The following SHC4 variants were observed in gnomAD, a reference collection of about 807,000 sequenced individuals.
SHC4 encodes the protein SHC-transforming protein 4.
In SHC4, 41 loss-of-function variants were observed where a neutral mutation model predicts 69.4. The ratio of observed to expected loss-of-function variants is 0.59; its 90% CI spans 0.46 to 0.77. SHC4 has a LOEUF of 0.77. Ranked by LOEUF, SHC4 falls within the 30% of genes least tolerant of loss-of-function variation. The pLI is 0.00. For missense variants in SHC4, 777 were observed against 783.8 expected (o/e 0.99, Z 0.10); for synonymous variants, 318 against 299.3 (o/e 1.06, Z -0.64).
intron 10 of SHC4, among the ~76,000 whole-genome samples, chr15:48,842,375 C>T (rs939620700): frequency 2.6e-5 from 4 of 152,176 alleles, no homozygotes; most frequent in Non-Finnish European, 5.9e-5. Context: ...AAAATTATCT[C>T]CTGGCCTTGA....
chr15:48,876,395 T>A (rs1015335226), intron 4 of SHC4, among the ~76,000 whole-genome samples: 2 of 152,120 alleles, frequency 1.3e-5, no homozygotes, highest in African/African-American at 4.8e-5. Context: ...CATTACTTCC[T>A]GTATTAGTCA....
At chr15:48,960,284 C>T (rs1317580917) in intron 1 of SHC4, among the ~76,000 whole-genome samples, 1 of 152,024 alleles carries the variant, frequency 6.6e-6, no homozygotes, top group African/African-American at 2.4e-5. Flanking sequence ...GGGGAGGTTG[C>T]AGGAGGTACA....
intron 1 of SHC4, among the ~76,000 whole-genome samples, chr15:48,950,238 T>C (rs1468028100): frequency 1.4e-5 from 2 of 146,682 alleles, no homozygotes; most frequent in African/African-American, 4.9e-5. Flanking sequence ...ATTTATATAT[T>C]ATTAAATTTC....
At chr15:48,859,081 T>C (rs185568403) in intron 6 of SHC4, among the ~76,000 whole-genome samples, 2 of 152,344 alleles carry the variant, frequency 1.3e-5, no homozygotes, top group Admixed American at 1.3e-4. Flanking sequence ...AAGCATGATT[T>C]TATGCTTTGC....
Position 48,884,209 on chromosome 15 carries a change from A to G in SHC4, c.840+39T>C, listed in dbSNP as rs774367420. 7.0e-6 allele frequency: 11 copies of G among 1,562,346 alleles called. No individual in the cohort carries two copies. In the African/African-American group the frequency reaches 1.2e-4, roughly 18 times the overall value. On this transcript the variant is annotated intron_variant, in intron 4 of 11. Transcript: ENST00000332408. ...ATTATCCCCACGCTTCTCTGAAAAA[A>G]TAGATATGTTTATCTATAAATGACA...
intron 1 of SHC4, chr15:48,947,346 G>A (rs1394869885): frequency 6.6e-6 from 1 of 152,104 alleles, no homozygotes; most frequent in Non-Finnish European, 1.5e-5. Context: ...ATGCAAGGGT[G>A]CCCTAATCCA....
At chr15:48,852,517 T>G (rs1161720711) in intron 8 of SHC4, among the ~76,000 whole-genome samples, 1 of 151,970 alleles carries the variant, frequency 6.6e-6, no homozygotes, top group Non-Finnish European at 1.5e-5. Context: ...TTGGAAAATG[T>G]GAGAAAATGA....
intron 2 of SHC4, among the ~76,000 whole-genome samples, chr15:48,913,906 G>T (rs1900563681): frequency 6.6e-6 from 1 of 152,202 alleles, no homozygotes; most frequent in Non-Finnish European, 1.5e-5. Flanking sequence ...GGAGAGGAGG[G>T]TCTCCCTTTC....
chr15:48,922,435 T>G lies in SHC4; in HGVS notation c.656+2444A>C, dbSNP rs1056497922. 2.0e-5 allele frequency among the ~76,000 whole-genome samples: 3 copies of G among 152,318 alleles called. No homozygotes were observed. The East Asian group carries it at 5.8e-4, about 29-fold the overall frequency. On this transcript the variant is annotated intron_variant, in intron 2 of 11. Transcript: ENST00000332408. ...AATAATAGAAATGTATTTCTTAGAC[T>G]TCTTGAGGCTGAGAAGTCCAAGATC... is the stretch of plus-strand genomic sequence containing the variant.
intron 6 of SHC4, among the ~76,000 whole-genome samples, chr15:48,861,423 C>T (rs1408096459): frequency 6.6e-6 from 1 of 152,220 alleles, no homozygotes; most frequent in African/African-American, 2.4e-5. Flanking sequence ...TGTTGCCTCT[C>T]ATAGACATGC....
chr15:48,938,695 G>C (rs1006042037), intron 1 of SHC4, among the ~76,000 whole-genome samples: 1 of 142,894 alleles, frequency 7.0e-6, no homozygotes, highest in African/African-American at 2.5e-5. Context: ...ATAACATACA[G>C]CAGATGCCCC....
intron 4 of SHC4, among the ~76,000 whole-genome samples, chr15:48,873,735 C>T (rs543174423): frequency 1.0e-4 from 15 of 150,134 alleles, no homozygotes; most frequent in Non-Finnish European, 1.5e-4. Flanking sequence ...AGCGAGACTC[C>T]GTCTCAAAAA....
intron 2 of SHC4, among the ~76,000 whole-genome samples, chr15:48,912,169 C>G (rs1255715808): frequency 1.3e-5 from 2 of 152,122 alleles, no homozygotes; most frequent in Non-Finnish European, 2.9e-5. Flanking sequence ...GATTATTCCC[C>G]CAAATATGTC....
At chr15:48,938,654 A>C (rs1901118408) in intron 1 of SHC4, among the ~76,000 whole-genome samples, 1 of 152,194 alleles carries the variant, frequency 6.6e-6, no homozygotes, top group Admixed American at 6.5e-5. Context: ...CACAGATAGA[A>C]AGCCACCTTC....
intron 4 of SHC4, among the ~76,000 whole-genome samples, chr15:48,874,693 AC>A (rs1899760047): frequency 6.6e-6 from 1 of 152,148 alleles, no homozygotes; most frequent in Non-Finnish European, 1.5e-5. Flanking sequence ...GAGAGGTTTG[AC>A]TGCACAGAGA....
At chr15:48,941,957 C>T (rs952346538) in intron 1 of SHC4, among the ~76,000 whole-genome samples, 1 of 152,142 alleles carries the variant, frequency 6.6e-6, no homozygotes, top group Non-Finnish European at 1.5e-5. Context: ...CCCACGTGTA[C>T]ATATTATTTC....
At chr15:48,831,565 T>G (rs1158748001) in intron 11 of SHC4, among the ~76,000 whole-genome samples, 1 of 152,238 alleles carries the variant, frequency 6.6e-6, no homozygotes, top group Admixed American at 6.5e-5. Flanking sequence ...CTACAAGCAA[T>G]AGGTTATACC....
Position 48,843,576 on chromosome 15 carries a change from G to C in SHC4, c.1316C>G (p.Pro439Arg). The C allele has an allele frequency of 6.2e-7, 1 of 1,613,814 alleles. No individual in the cohort carries two copies. The highest frequency in any genetic ancestry group is 8.5e-7 in the Non-Finnish European group (1 of 1,179,818). ...ATCTCGCTGGGACTGCACCCCTCTT[G>C]GATGGACATTACCTGTAGTGATTAG... ...EQSRAIGNVH[P>R]RGVQSQRDTS... is the part of the protein sequence containing the mutation. The change falls in exon 10 of 12, where the codon CCA becomes CGA. Residue 439 changes from proline (P) to arginine (R), a missense_variant. Pro to Arg is a moderately radical substitution (Grantham distance 103, BLOSUM62 -2). Coordinates refer to ENST00000332408, the MANE Select transcript of SHC4 (RefSeq NM_203349.4).
chr15:48,898,428 G>A (rs1363488136), intron 2 of SHC4, among the ~76,000 whole-genome samples: 1 of 152,182 alleles, frequency 6.6e-6, no homozygotes, highest in East Asian at 1.9e-4. Flanking sequence ...GGCACCTCGG[G>A]TCCCAGGATG....
Sources: allele counts gnomAD v4.1 joint callset (sites outside exome capture counted in the v4.1 genomes callset), GRCh38; gene constraint gnomAD v4.1.1; transcripts MANE v1.5; gene names NCBI Gene and HGNC (gene_info 2026-07-23, HGNC 2026-07-21).